Variants in TAF1 observed in about 807,000 individuals in gnomAD.
TAF1 encodes the protein transcription initiation factor TFIID subunit 1.
A neutral mutation model predicts 138.5 loss-of-function variants in TAF1; 2 were observed. That is an observed-to-expected ratio of 0.01 (90% confidence interval 0.01 to 0.05). The LOEUF (loss-of-function observed/expected upper bound fraction) is 0.05. Among genes scored for constraint, TAF1 ranks in the 10% least tolerant of loss-of-function variants. TAF1 has a pLI of 1.00. For missense variants in TAF1, 709 were observed against 1,478.0 expected (o/e 0.48, Z 8.53); for synonymous variants, 437 against 503.2 (o/e 0.87, Z 1.76).
chrX:71,456,649 C>CTTTTTTTT lies in TAF1; in HGVS notation c.4939-1556_4939-1549dup, dbSNP rs776321706. Among the ~76,000 whole-genome samples the CTTTTTTTT allele has an allele frequency of 3.5e-3, 95 of 26,824 alleles. 21 individuals are homozygous for CTTTTTTTT. Among genetic ancestry groups the CTTTTTTTT allele is most frequent in the Non-Finnish European group, 3.8e-3 (60 of 15,750 alleles). The allele number at this position is 26,824 out of a possible 115,157, so 23.3% of individuals were successfully genotyped here. A position where few individuals can be genotyped will look rare whatever the true frequency, so the allele number is the denominator to read the frequency against. On this transcript the variant is annotated intron_variant, in intron 34 of 37. Transcript: ENST00000423759. Reference sequence around the variant, plus strand: ...ATGGTGGTGGTCAATAATGTATTTTCTTTTTTTTTTTTTTTTTTTTTTTTT... The same window carrying CTTTTTTTT: ...ATGGTGGTGGTCAATAATGTATTTTCTTTTTTTTTTTTTTTTTTTTTTTTTTTTTTTTT...
intron 32 of TAF1, among the ~76,000 whole-genome samples, chrX:71,432,655 T>C (rs1013614613): frequency 9.1e-6 from 1 of 110,284 alleles, no homozygotes; most frequent in African/African-American, 3.3e-5. Flanking sequence ...GAATTGAGGG[T>C]ATTAGCAAAA....
chrX:71,439,413 C>G (rs888612817), intron 32 of TAF1, among the ~76,000 whole-genome samples: 1 of 111,771 alleles, frequency 8.9e-6, no homozygotes, highest in Non-Finnish European at 1.9e-5. Context: ...TTATCTCCTT[C>G]TAACCTATCA....
At chrX:71,441,888 A>G (rs1184941485) in intron 32 of TAF1, among the ~76,000 whole-genome samples, 4 of 104,618 alleles carry the variant, frequency 3.8e-5, no homozygotes, top group Admixed American at 2.1e-4. Context: ...TCATTGATCA[A>G]TTCCCACCTA....
downstream of TAF1, among the ~76,000 whole-genome samples, chrX:71,470,426 CAT>C (rs773090753): frequency 1.8e-5 from 2 of 108,700 alleles, no homozygotes; most frequent in Non-Finnish European, 3.8e-5. Context: ...GTATTATGCG[CAT>C]ATATATATAT....
chrX:71,388,114 G>C lies in TAF1; in HGVS notation c.2428-123G>C. The C allele has an allele frequency of 3.0e-6, 3 of 996,889 alleles. No individual in the cohort carries two copies. In the South Asian group the frequency reaches 7.6e-5, roughly 25 times the overall value. The allele number at this position is 996,889 out of a possible 1,213,427, so 82.2% of individuals were successfully genotyped here. ...GACTCCGTCTCAGAAAAAGTAGGCT[G>C]TGTGGGTTTGGGAGCACATCGGGAA... On this transcript the variant is annotated intron_variant, in intron 15 of 37. Transcript: ENST00000423759.
chrX:71,519,560 A>G (rs1032397816), intron 13 of TAF1, among the ~76,000 whole-genome samples: 39 of 102,427 alleles, frequency 3.8e-4, no homozygotes, highest in Non-Finnish European at 5.9e-4. Context: ...GGAGAATGGC[A>G]TGAACCCGGG....
intron 32 of TAF1, among the ~76,000 whole-genome samples, chrX:71,429,197 C>T: frequency 9.1e-6 from 1 of 110,287 alleles, no homozygotes; most frequent in Non-Finnish European, 1.9e-5. Context: ...ATGGTGTGAA[C>T]CTGGGAGGCG....
At chrX:71,377,314 T>G in intron 5 of TAF1, 123 bp downstream of exon 5, 3 of 1,035,866 alleles carry the variant, frequency 2.9e-6, no homozygotes, top group Non-Finnish European at 2.6e-6. Context: ...ATTGGCTACA[T>G]AAGAGCTCTT....
At chrX:71,524,517 G>A (rs1476483500) in intron 13 of TAF1, among the ~76,000 whole-genome samples, 1 of 110,786 alleles carries the variant, frequency 9.0e-6, no homozygotes, top group East Asian at 2.8e-4. Flanking sequence ...ATGGCTTTGT[G>A]TCTTTTCTGA....
chrX:71,508,615 A>G (rs1394009731), intron 13 of TAF1, among the ~76,000 whole-genome samples: 2 of 105,204 alleles, frequency 1.9e-5, no homozygotes, highest in Non-Finnish European at 3.9e-5. Context: ...TGAAAAAAAA[A>G]AAAAAAAGAA....
At chrX:71,467,411 A>C (rs759500805), downstream of TAF1, among the ~76,000 whole-genome samples, 1 of 111,036 alleles carries the variant, frequency 9.0e-6, no homozygotes, top group Non-Finnish European at 1.9e-5. Flanking sequence ...CCTGGCTTCC[A>C]ATCCTTTTCT....
At chrX:71,459,334 T>C in intron 35 of TAF1, 1 of 1,043,455 alleles carries the variant, frequency 9.6e-7, no homozygotes, top group Non-Finnish European at 1.3e-6. Flanking sequence ...GGCCAAATCC[T>C]AAGATGATAT....
chrX:71,379,570 G>A (rs1227406259), intron 8 of TAF1, among the ~76,000 whole-genome samples: 1 of 106,089 alleles, frequency 9.4e-6, no homozygotes, highest in Non-Finnish European at 1.9e-5. Context: ...CCAGACTCAG[G>A]TTTCTTAAAA....
At chrX:71,416,435 A>C (rs1393909898) in intron 28 of TAF1, among the ~76,000 whole-genome samples, 5 of 106,883 alleles carry the variant, frequency 4.7e-5, no homozygotes, top group Non-Finnish European at 9.7e-5. Flanking sequence ...TATGCTTTCC[A>C]CAAGCCCACT....
Position 71,430,385 on chromosome X carries a change from C to CAAA in TAF1, c.4753+6165_4753+6167dup, listed in dbSNP as rs746183306. On this transcript the variant is annotated intron_variant, in intron 32 of 37. Transcript: ENST00000423759. ...GGCAACAGAGCGAGACTCCGTCTCA[C>CAAA]AAAAAAAAAAAAAAAAAAAAGGCAC... 5.4e-4 allele frequency among the ~76,000 whole-genome samples: 19 copies of CAAA among 35,068 alleles called. 1 individual carries two copies. The highest frequency in any genetic ancestry group is 1.5e-3 in the African/African-American group (14 of 9,644). The allele number at this position is 35,068 out of a possible 115,157, so 30.5% of individuals were successfully genotyped here. A position where few individuals can be genotyped will look rare whatever the true frequency, so the allele number is the denominator to read the frequency against.
chrX:71,406,583 T>C (rs1385218883), intron 25 of TAF1, 55 bp from the exon 26 acceptor site: 7 of 1,104,765 alleles, frequency 6.3e-6, no homozygotes, highest in Non-Finnish European at 6.1e-6. Context: ...TTGCTTTTTT[T>C]CCCCCTGGGA....
At chrX:71,491,752 C>G (rs973301657) in intron 13 of TAF1, 3 of 106,649 alleles carry the variant, frequency 2.8e-5, no homozygotes, top group Non-Finnish European at 5.8e-5. Flanking sequence ...AGCTCCACCT[C>G]CCAGGTTCAT....
chrX:71,489,419 G>A (rs781159612), intron 13 of TAF1, among the ~76,000 whole-genome samples: 1 of 111,264 alleles, frequency 9.0e-6, no homozygotes, highest in Non-Finnish European at 1.9e-5. Context: ...GCTCATGCCT[G>A]TAATCCTGGC....
intron 32 of TAF1, among the ~76,000 whole-genome samples, chrX:71,444,896 G>A (rs1200970667): frequency 1.8e-5 from 2 of 110,190 alleles, no homozygotes; most frequent in East Asian, 2.9e-4. Flanking sequence ...ACCACACCCG[G>A]CTAATTTTTT....
Sources: allele counts gnomAD v4.1 joint callset (sites outside exome capture counted in the v4.1 genomes callset), GRCh38; gene constraint gnomAD v4.1.1; transcripts MANE v1.5; gene names NCBI Gene and HGNC (gene_info 2026-07-23, HGNC 2026-07-21).